MIDEAS: variants seen among roughly 807,000 people sequenced by gnomAD.
MIDEAS encodes the protein mitotic deacetylase-associated SANT domain protein.
In MIDEAS, 26 loss-of-function variants were observed where a neutral mutation model predicts 102.7. The ratio of observed to expected loss-of-function variants is 0.25; its 90% CI spans 0.19 to 0.35. The LOEUF (loss-of-function observed/expected upper bound fraction) is 0.35. Ranked by LOEUF, MIDEAS falls within the 10% of genes least tolerant of loss-of-function variation. MIDEAS has a pLI of 1.00. For synonymous variants in MIDEAS, 585 were observed against 591.0 expected, an observed-to-expected ratio of 0.99 and a Z score of 0.15; for missense variants, 1,231 against 1,435.6, an observed-to-expected ratio of 0.86 and a Z score of 2.30.
chr14:73,727,816 TA>T (rs2140104313), intron 4 of MIDEAS: 1 of 340,012 alleles, frequency 2.9e-6, no homozygotes, highest in East Asian at 5.8e-5. Flanking sequence ...TGGCACTCGA[TA>T]AAGATTATTA....
At chr14:73,788,321 T>C (rs535820134), upstream of MIDEAS, among the ~76,000 whole-genome samples, 28 of 152,218 alleles carry the variant, frequency 1.8e-4, no homozygotes, top group Non-Finnish European at 3.8e-4. Context: ...CTGCTTCTCC[T>C]AGCACATTGG....
chr14:73,744,652 C>T (rs1566596196), intron 1 of MIDEAS, among the ~76,000 whole-genome samples: 2 of 152,178 alleles, frequency 1.3e-5, no homozygotes, highest in Admixed American at 6.5e-5. Flanking sequence ...GTCTAAACTC[C>T]CTGCCCTGTC....
intron 1 of MIDEAS, among the ~76,000 whole-genome samples, chr14:73,769,905 TTTTTTTTTG>T (rs1387633517): frequency 7.5e-6 from 1 of 134,010 alleles, no homozygotes; most frequent in African/African-American, 3.0e-5. Context: ...CGGCTGGGTT[TTTTTTTTTG>T]TTTTTTTTTT....
In MIDEAS at chr14:73,727,057, A is replaced by G. The variant is rs547881199; in HGVS notation, c.2163-85T>C. The stretch of plus-strand genomic sequence containing the variant: ...GATCCCTCAGGGTGGGAAGAAGATG[A>G]GGGGGAGCCGGCAGAGCAAGGCCTC... On this transcript the variant is annotated intron_variant, in intron 5 of 12. Transcript: ENST00000423556. The G allele has an allele frequency of 1.6e-4, 244 of 1,498,924 alleles. 1 individual carries two copies. The African/African-American group carries it at 1.9e-3, about 12-fold the overall frequency. 92.9% of individuals were successfully genotyped at this position (1,498,924 alleles called of 1,614,324 possible).
In MIDEAS at chr14:73,721,470, C is replaced by G; in HGVS notation, c.2764G>C (p.Glu922Gln). The change falls in exon 11 of 13, where the codon GAG becomes CAG. Residue 922 changes from glutamate to glutamine, a missense_variant. Glu to Gln is a conservative substitution (Grantham distance 29, BLOSUM62 2). Coordinates refer to ENST00000423556, the MANE Select transcript of MIDEAS (RefSeq NM_001367710.1). ...TCCAGCCTCTCTTCACTTGGGGACTCTCTTCTGGGAAGAGGCACCCTTGGG... is the reference window on the plus strand; with the variant it reads ...TCCAGCCTCTCTTCACTTGGGGACTGTCTTCTGGGAAGAGGCACCCTTGGG... Reference protein sequence around the residue: ...KFPRVPLPRRESPSEERLEPK... With the variant: ...KFPRVPLPRRQSPSEERLEPK... 1 of 1,614,168 alleles carries G rather than the reference C, an allele frequency of 6.2e-7. No homozygotes were observed. Among genetic ancestry groups the G allele is most frequent in the Non-Finnish European group, 8.5e-7 (1 of 1,180,038 alleles).
chr14:73,739,803 C>A lies in MIDEAS; in HGVS notation c.206G>T (p.Ser69Ile). The change falls in exon 2 of 13, where the codon AGC becomes ATC. Residue 69 changes from serine (S) to isoleucine (I), a missense_variant. Ser to Ile is a moderately radical substitution (Grantham distance 142, BLOSUM62 -2). Around this residue, in one of 5 missense-constraint regions of MIDEAS, gnomAD observed 758 missense variants for 856.0 expected, o/e 0.89. Coordinates refer to ENST00000423556, the MANE Select transcript of MIDEAS (RefSeq NM_001367710.1). ...TACCACAGAGTTCAGCAGGGCCAGG[C>A]TGCTAGGAGGGGGCAGTTCCACAGG... ...SQPVELPPPS[S>I]LALLNSVVYG... 1 of 1,613,306 alleles carries A rather than the reference C, an allele frequency of 6.2e-7. No individual in the cohort carries two copies. Among genetic ancestry groups the A allele is most frequent in the Non-Finnish European group, 8.5e-7 (1 of 1,179,582 alleles).
upstream of MIDEAS, among the ~76,000 whole-genome samples, chr14:73,761,104 G>A (rs116114988): frequency 1.7e-3 from 262 of 152,190 alleles, no homozygotes; most frequent in African/African-American, 5.9e-3. Flanking sequence ...TGGCGGCGGC[G>A]GTGGTGGCGG....
At chr14:73,719,894 G>A (rs2052961942) in intron 11 of MIDEAS, among the ~76,000 whole-genome samples, 1 of 145,044 alleles carries the variant, frequency 6.9e-6, no homozygotes, top group Admixed American at 7.1e-5. Flanking sequence ...GGACAAAGAG[G>A]TTGACACAGG....
intron 1 of MIDEAS, among the ~76,000 whole-genome samples, chr14:73,768,443 T>C (rs2053610184): frequency 6.6e-6 from 1 of 152,072 alleles, no homozygotes; most frequent in East Asian, 1.9e-4. Context: ...TCATGGGCCA[T>C]TCTCCCTCAC....
chr14:73,743,992 T>C (rs545089482), intron 1 of MIDEAS, among the ~76,000 whole-genome samples: 1 of 151,834 alleles, frequency 6.6e-6, no homozygotes, highest in Admixed American at 6.6e-5. Context: ...CCTAGCAGGC[T>C]TTCAGGAAGT....
At chr14:73,774,689 TA>T (rs1351514578) in intron 1 of MIDEAS, among the ~76,000 whole-genome samples, 1 of 151,858 alleles carries the variant, frequency 6.6e-6, no homozygotes, top group Non-Finnish European at 1.5e-5. Flanking sequence ...ATCCCCTTCC[TA>T]CTCTCACCAG....
chr14:73,750,308 A>G (rs1202219765), intron 1 of MIDEAS, among the ~76,000 whole-genome samples: 2 of 152,262 alleles, frequency 1.3e-5, no homozygotes, highest in East Asian at 3.9e-4. Flanking sequence ...AAAATCTGAA[A>G]TCTACACCGG....
intron 1 of MIDEAS, among the ~76,000 whole-genome samples, chr14:73,744,148 T>C (rs916509950): frequency 6.6e-6 from 1 of 151,828 alleles, no homozygotes; most frequent in Non-Finnish European, 1.5e-5. Flanking sequence ...TCAATGCTGA[T>C]GGTGACACCA....
chr14:73,718,793 C>A lies in MIDEAS; in HGVS notation c.*50G>T, dbSNP rs962522688. 3.7e-6 allele frequency: 5 copies of A among 1,335,902 alleles called. No individual in the cohort carries two copies. The African/African-American group carries it at 6.2e-5, about 17-fold the overall frequency. The allele number at this position is 1,335,902 out of a possible 1,614,324, so 82.8% of individuals were successfully genotyped here. A position where few individuals can be genotyped will look rare whatever the true frequency, so the allele number is the denominator to read the frequency against. On this transcript the variant is annotated 3_prime_UTR_variant, in exon 13 of 13. Coordinates refer to ENST00000423556, the MANE Select transcript of MIDEAS (RefSeq NM_001367710.1). The stretch of plus-strand genomic sequence containing the variant: ...CCAGGGTGTCTGCGGGCGCTGGCGG[C>A]GGTGCGGGAAGGGCCGAGGCCCAGG...
At chr14:73,784,437 C>T (rs1366559086) in intron 1 of MIDEAS, among the ~76,000 whole-genome samples, 2 of 152,240 alleles carry the variant, frequency 1.3e-5, no homozygotes, top group South Asian at 2.1e-4. Flanking sequence ...CCCGCAGCTC[C>T]CTGGAGCCTG....
chr14:73,729,431 T>C (rs1241645425), intron 4 of MIDEAS, among the ~76,000 whole-genome samples: 1 of 152,182 alleles, frequency 6.6e-6, no homozygotes, highest in Non-Finnish European at 1.5e-5. Flanking sequence ...AATGGTAGAA[T>C]TGAGATTTGA....
intron 1 of MIDEAS, among the ~76,000 whole-genome samples, chr14:73,757,279 CAAAA>C (rs370387448): frequency 4.4e-5 from 3 of 67,718 alleles, no homozygotes; most frequent in African/African-American, 2.5e-4. Context: ...CTCTAACAAC[CAAAA>C]AAAAAAAAAA....
At chr14:73,730,088 C>T (rs759588441) in intron 3 of MIDEAS, 103 bp from the exon 4 acceptor site, 20 of 1,186,140 alleles carry the variant, frequency 1.7e-5, no homozygotes, top group Non-Finnish European at 2.3e-5. Context: ...CTTAGTCTGC[C>T]TACCACACCC....
intron 1 of MIDEAS, among the ~76,000 whole-genome samples, chr14:73,781,523 T>C (rs566458212): frequency 8.0e-5 from 12 of 150,766 alleles, no homozygotes; most frequent in Non-Finnish European, 1.5e-4. Flanking sequence ...TCACCTGAAG[T>C]TGGGAGTTCG....
Sources: allele counts gnomAD v4.1 joint callset (sites outside exome capture counted in the v4.1 genomes callset), GRCh38; gene constraint gnomAD v4.1.1; regional missense constraint gnomAD v4.1.1; transcripts MANE v1.5; gene names NCBI Gene and HGNC (gene_info 2026-07-23, HGNC 2026-07-21).